The following ATRN variants were observed in gnomAD, a reference collection of about 807,000 sequenced individuals.
ATRN encodes attractin-2.
Under a neutral mutation model 178.7 loss-of-function variants are expected in ATRN, and 54 were observed. The ratio of observed to expected loss-of-function variants is 0.30; its 90% CI spans 0.24 to 0.38. The LOEUF (loss-of-function observed/expected upper bound fraction) is 0.38, where lower values mean the gene tolerates loss of function less well. Among genes scored for constraint, ATRN ranks in the 10% least tolerant of loss-of-function variants. The pLI is 1.00. For missense variants in ATRN, 1,443 were observed against 1,815.1 expected (o/e 0.79, Z 3.73); for synonymous variants, 636 against 663.0 (o/e 0.96, Z 0.63).
chr20:3,512,102 TATATA>T (rs1458085463), intron 1 of ATRN, among the ~76,000 whole-genome samples: 25 of 126,860 alleles, frequency 2.0e-4, no homozygotes, highest in African/African-American at 8.3e-4. Context: ...TATATATATA[TATATA>T]TTTTTTTTTT....
chr20:3,478,916 A>G lies in ATRN; in HGVS notation c.410+7399A>G, dbSNP rs535158067. ...TTCAGTTCTCTATAATCTATAATTC[A>G]TACCCTTTTTTTTTTTTTTTTTTTT... On this transcript the variant is annotated intron_variant, in intron 1 of 28. Coordinates refer to ENST00000262919, the MANE Select transcript of ATRN (RefSeq NM_139321.3). Among the ~76,000 whole-genome samples the G allele has an allele frequency of 7.7e-3, 1,087 of 141,090 alleles. 9 individuals are homozygous for G. Among genetic ancestry groups the G allele is most frequent in the Non-Finnish European group, 0.013 (878 of 65,664 alleles). The allele number at this position is 141,090 out of a possible 152,430, so 92.6% of individuals were successfully genotyped here.
At chr20:3,600,458 T>C (rs2086593410) in intron 22 of ATRN, among the ~76,000 whole-genome samples, 1 of 152,210 alleles carries the variant, frequency 6.6e-6, no homozygotes, top group Non-Finnish European at 1.5e-5. Flanking sequence ...TTAAAGGCTG[T>C]TTCCAGTTTT....
chr20:3,636,184 C>T (rs1208782678), intron 26 of ATRN, among the ~76,000 whole-genome samples: 3 of 152,062 alleles, frequency 2.0e-5, no homozygotes, highest in African/African-American at 7.2e-5. Flanking sequence ...TGAAAGAGTC[C>T]GAATTGATTT....
intron 1 of ATRN, among the ~76,000 whole-genome samples, chr20:3,473,635 A>C (rs1446903820): frequency 6.6e-6 from 1 of 152,198 alleles, no homozygotes; most frequent in Non-Finnish European, 1.5e-5. Flanking sequence ...GGCATTTTCC[A>C]TTTGAGAAGC....
intron 24 of ATRN, among the ~76,000 whole-genome samples, chr20:3,606,834 T>C (rs1393478079): frequency 6.6e-6 from 1 of 152,234 alleles, no homozygotes; most frequent in South Asian, 2.1e-4. Flanking sequence ...TTTGATATCA[T>C]GTTAAACTAA....
intron 24 of ATRN, among the ~76,000 whole-genome samples, chr20:3,624,178 G>C (rs1724347511): frequency 6.6e-6 from 1 of 152,218 alleles, no homozygotes; most frequent in Non-Finnish European, 1.5e-5. Flanking sequence ...CAAACAAGGA[G>C]AGCTTTGTGT....
At chr20:3,542,311 A>G (rs1248674719) in intron 3 of ATRN, among the ~76,000 whole-genome samples, 2 of 152,212 alleles carry the variant, frequency 1.3e-5, no homozygotes, top group Non-Finnish European at 2.9e-5. Context: ...TATGCCAGGC[A>G]CTTTGAATCA....
chr20:3,625,407 A>G (rs571879289), intron 25 of ATRN, among the ~76,000 whole-genome samples: 1 of 152,304 alleles, frequency 6.6e-6, no homozygotes, highest in Admixed American at 6.5e-5. Context: ...TCACAGCTGC[A>G]TTGAACAGTG....
intron 21 of ATRN, 104 bp downstream of exon 21, chr20:3,596,533 C>T (rs1054406877): frequency 5.7e-6 from 6 of 1,060,012 alleles, no homozygotes; most frequent in Admixed American, 1.9e-5. Flanking sequence ...CTATAGCAGC[C>T]ACCAATGAAG....
At chr20:3,496,786 G>T (rs1376791578) in intron 1 of ATRN, among the ~76,000 whole-genome samples, 1 of 151,824 alleles carries the variant, frequency 6.6e-6, no homozygotes, top group Non-Finnish European at 1.5e-5. Flanking sequence ...TTATTAATGT[G>T]TGGGAGTCTA....
intron 3 of ATRN, among the ~76,000 whole-genome samples, chr20:3,541,330 G>A (rs1051633005): frequency 3.3e-5 from 5 of 152,090 alleles, no homozygotes; most frequent in African/African-American, 1.2e-4. Flanking sequence ...GCCCGCCTCG[G>A]CCTCCCAAAG....
intron 9 of ATRN, 93 bp from the exon 10 acceptor site, chr20:3,563,116 A>C (rs2085977827): frequency 8.8e-7 from 1 of 1,133,366 alleles, no homozygotes; most frequent in South Asian, 1.7e-5. Flanking sequence ...TTTGGGTCTG[A>C]GGTTAATAAA....
Position 3,576,695 on chromosome 20 carries a change from G to GTCTGTCTGTCTGTCTATCTATCTATCTA in ATRN, c.2215-161_2215-160insGTCTGTCTGTCTATCTATCTATCTATCT, listed in dbSNP as rs11472378. Reference sequence around the variant, plus strand: ...TATCTATCTATCTGTCTGTCTGTCTGTCTATCTATCTATCTATCTATCTAT... The same window carrying GTCTGTCTGTCTGTCTATCTATCTATCTA: ...TATCTATCTATCTGTCTGTCTGTCTGTCTGTCTGTCTGTCTATCTATCTATCTATCTATCTATCTATCTATCTATCTAT... On this transcript the variant is annotated intron_variant, in intron 13 of 28. Coordinates refer to ENST00000262919, the MANE Select transcript of ATRN (RefSeq NM_139321.3). 8.9e-3 allele frequency among the ~76,000 whole-genome samples: 1,261 copies of GTCTGTCTGTCTGTCTATCTATCTATCTA among 142,348 alleles called. 4 individuals are homozygous for GTCTGTCTGTCTGTCTATCTATCTATCTA. The highest frequency in any genetic ancestry group is 0.024 in the Middle Eastern group (7 of 290). 93.4% of individuals were successfully genotyped at this position (142,348 alleles called of 152,430 possible).
At chr20:3,498,069 C>T (rs1237666311) in intron 1 of ATRN, among the ~76,000 whole-genome samples, 1 of 152,162 alleles carries the variant, frequency 6.6e-6, no homozygotes, top group Non-Finnish European at 1.5e-5. Context: ...CGCAAATAAA[C>T]TAGAAAATCT....
At chr20:3,509,982 A>G (rs1180976054) in intron 1 of ATRN, among the ~76,000 whole-genome samples, 1 of 152,174 alleles carries the variant, frequency 6.6e-6, no homozygotes, top group Admixed American at 6.5e-5. Context: ...GTGTGTATAC[A>G]TAATTTTTCC....
chr20:3,496,102 G>C (rs1422069045), intron 1 of ATRN, among the ~76,000 whole-genome samples: 1 of 152,070 alleles, frequency 6.6e-6, no homozygotes, highest in East Asian at 1.9e-4. Flanking sequence ...CAAAAAACCA[G>C]CTCCTGGATT....
chr20:3,578,915 C>G lies in ATRN; in HGVS notation c.2544+143C>G. On this transcript the variant is annotated intron_variant, in intron 15 of 28. Transcript: ENST00000262919. Reference sequence around the variant, plus strand: ...GTGCTGGTGAACGCAGCCTGAGGGACTGTGGGTTTGTGCTGTCAGAGTCTC... The same window carrying G: ...GTGCTGGTGAACGCAGCCTGAGGGAGTGTGGGTTTGTGCTGTCAGAGTCTC... The G allele has an allele frequency of 4.3e-6, 3 of 691,426 alleles. 1 individual carries two copies. In the South Asian group the frequency reaches 7.5e-5, roughly 17 times the overall value. 42.8% of individuals were successfully genotyped at this position (691,426 alleles called of 1,614,324 possible). A position where few individuals can be genotyped will look rare whatever the true frequency, so the allele number is the denominator to read the frequency against.
rs1006490670 is a variant in ATRN at position 3,650,330 on chromosome 20, C to A, written c.*3483C>A. The A allele has an allele frequency of 2.0e-5, 3 of 152,634 alleles. No individual in the cohort carries two copies. Among genetic ancestry groups the A allele is most frequent in the African/African-American group, 7.2e-5 (3 of 41,436 alleles). 9.5% of individuals were successfully genotyped at this position (152,634 alleles called of 1,614,324 possible). ...ATCCATTCAACAAGTATTTGCTAAA[C>A]ACTAACTTAAGCTAATGCTAGGGTA... On this transcript the variant is annotated 3_prime_UTR_variant, in exon 29 of 29. Transcript: ENST00000262919.
intron 18 of ATRN, among the ~76,000 whole-genome samples, chr20:3,585,922 A>G (rs962125950): frequency 2.0e-5 from 3 of 152,222 alleles, no homozygotes; most frequent in Non-Finnish European, 4.4e-5. Flanking sequence ...AGATGGCTGT[A>G]ATCAATAAAA....
Sources: gnomAD v4.1 joint callset for allele counts (sites outside exome capture counted in the v4.1 genomes callset) on GRCh38, gnomAD v4.1.1 for gene constraint, MANE v1.5 for transcripts, NCBI Gene and HGNC (gene_info 2026-07-23, HGNC 2026-07-21) for gene names.